The following MCRIP1 variants were observed in gnomAD, a reference collection of about 807,000 sequenced individuals.
MCRIP1 encodes MAPK regulated corepressor interacting protein 1.
MCRIP1 carries 10 observed loss-of-function variants against 14.4 expected under a neutral mutation model. That is an observed-to-expected ratio of 0.70 (90% CI 0.43 to 1.18). The LOEUF is 1.18. MCRIP1 is among the 50% of genes most tolerant of loss of function. MCRIP1 has a pLI of 0.00. For missense variants in MCRIP1, 119 were observed against 135.4 expected (o/e 0.88, Z 0.60); for synonymous variants, 53 against 55.7 (o/e 0.95, Z 0.21).
In MCRIP1 at chr17:81,824,770, G is replaced by C. The variant is rs542677477; in HGVS notation, c.-48-216C>G. ...CGAGGTAGCAGAGAGCTGGCCAGAC[G>C]AGCCAGACACACACACAACTTGAAG... is the stretch of plus-strand genomic sequence containing the variant. On this transcript the variant is annotated intron_variant, in intron 1 of 4. Transcript: ENST00000455127. 4 of 1,420,276 alleles carry C rather than the reference G, an allele frequency of 2.8e-6. No individual in the cohort carries two copies. The African/African-American group carries it at 4.3e-5, about 15-fold the overall frequency. 88.0% of individuals were successfully genotyped at this position (1,420,276 alleles called of 1,614,324 possible).
chr17:81,823,009 A>G lies in MCRIP1; in HGVS notation c.*238T>C. 1 of 589,226 alleles carries G rather than the reference A, an allele frequency of 1.7e-6. No individual in the cohort carries two copies. The highest frequency in any genetic ancestry group is 3.0e-6 in the Non-Finnish European group (1 of 331,850). 36.5% of individuals were successfully genotyped at this position (589,226 alleles called of 1,614,324 possible). On this transcript the variant is annotated 3_prime_UTR_variant, in exon 5 of 5. Coordinates refer to ENST00000455127, the MANE Select transcript of MCRIP1 (RefSeq NM_207368.5). The surrounding 1 kb of genome is among the most constrained non-coding windows in gnomAD (Gnocchi z 6.0). ...AAAAATGCAGCCAGGTGGCTGGGGG[A>G]GGGCAGGAGGGTGGGCAGGGCCCAG...
chr17:81,823,573 C>A lies in MCRIP1; in HGVS notation c.128-60G>T, dbSNP rs1015301619. ...CTGCCCCAGGGGGTGGCATCCACGT[C>A]ACGAGAGTGCCTGCCCTCAGCTCCT... On this transcript the variant is annotated intron_variant, in intron 3 of 4. Transcript: ENST00000455127. The surrounding 1 kb of genome is among the most constrained non-coding windows in gnomAD (Gnocchi z 6.0). 27 of 1,386,930 alleles carry A rather than the reference C, an allele frequency of 1.9e-5. No homozygotes were observed. In the African/African-American group the frequency reaches 3.4e-4, roughly 18 times the overall value. 85.9% of individuals were successfully genotyped at this position (1,386,930 alleles called of 1,614,324 possible). A position where few individuals can be genotyped will look rare whatever the true frequency, so the allele number is the denominator to read the frequency against.
At chr17:81,825,571 C>G (rs1344146981) in intron 1 of MCRIP1, 2 of 1,288,718 alleles carry the variant, frequency 1.6e-6, no homozygotes, top group East Asian at 1.1e-4. Context: ...ACTGAGGCTT[C>G]GAGTCCTCTC....
chr17:81,832,870 G>A (rs1478727834), intron 1 of MCRIP1, among the ~76,000 whole-genome samples: 5 of 152,244 alleles, frequency 3.3e-5, no homozygotes, highest in Admixed American at 6.5e-5. Flanking sequence ...GGTCCCTCCA[G>A]GAGACCGGGA....
rs566581370 is a variant in MCRIP1, at chr17:81,832,483, G to A, written c.-49+755C>T. Reference sequence around the variant, plus strand: ...GTCCCACTTCCCACCCTCTCTACACGTTCTCGCCACATCCCACCCAAAGTC... The same window carrying A: ...GTCCCACTTCCCACCCTCTCTACACATTCTCGCCACATCCCACCCAAAGTC... On this transcript the variant is annotated intron_variant, in intron 1 of 4. Transcript: ENST00000455127. 5.3e-5 allele frequency among the ~76,000 whole-genome samples: 8 copies of A among 152,254 alleles called. No homozygotes were observed. In the East Asian group the frequency reaches 9.6e-4, roughly 18 times the overall value.
intron 1 of MCRIP1, among the ~76,000 whole-genome samples, chr17:81,832,739 G>C (rs939438932): frequency 6.6e-6 from 1 of 152,256 alleles, no homozygotes; most frequent in Non-Finnish European, 1.5e-5. Flanking sequence ...CGTTCTCCCC[G>C]TTAGGCCCAG....
In MCRIP1 at chr17:81,824,496, C is replaced by T. The variant is rs2038346695; in HGVS notation, c.8+3G>A. The T allele has an allele frequency of 6.5e-7, 1 of 1,536,150 alleles. No individual in the cohort carries two copies. The highest frequency in any genetic ancestry group is 8.7e-7 in the Non-Finnish European group (1 of 1,146,828). The stretch of plus-strand genomic sequence containing the variant: ...GAGACCAGCCCACCTGCCTGAGACC[C>T]ACCTGGTCATCGCGGGGGCGTCTGA... On this transcript the variant is annotated splice_donor_region_variant and intron_variant, in intron 2 of 4. Transcript: ENST00000455127.
At chr17:81,826,701 C>G (rs2038406598) in intron 1 of MCRIP1, 1 of 330,850 alleles carries the variant, frequency 3.0e-6, no homozygotes, top group Admixed American at 4.6e-5. Context: ...CACCCGTAAT[C>G]CCAGCTACTC....
chr17:81,825,852 C>T, intron 1 of MCRIP1: 2 of 1,289,842 alleles, frequency 1.6e-6, no homozygotes, highest in Non-Finnish European at 2.0e-6. Flanking sequence ...CCCACGAACA[C>T]CAGAGCACGG....
At position 81,823,421 on chromosome 17, in the gene MCRIP1, T is replaced by C; in HGVS notation, c.220A>G (p.Ser74Gly). 1 of 1,536,738 alleles carries C rather than the reference T, an allele frequency of 6.5e-7. No homozygotes were observed. The highest frequency in any genetic ancestry group is 8.7e-7 in the Non-Finnish European group (1 of 1,146,730). The change falls in exon 4 of 5, where the codon AGC (serine) becomes GGC (glycine). Residue 74 changes from serine to glycine, a missense_variant. Transcript: ENST00000455127. The surrounding 1 kb of genome is among the most constrained non-coding windows in gnomAD (Gnocchi z 6.0). ...GTCAGCCCCCACTCACTCTTCAGGCTGGGGTTAGGGACCTTCTCCACATAC... is the reference window on the plus strand; with the variant it reads ...GTCAGCCCCCACTCACTCTTCAGGCCGGGGTTAGGGACCTTCTCCACATAC... ...EEYVEKVPNPSLKTFKPIDLS... is the reference protein window; with the variant it reads ...EEYVEKVPNPGLKTFKPIDLS...
At chr17:81,831,005 TA>T (rs199781153) in intron 1 of MCRIP1, among the ~76,000 whole-genome samples, 2 of 149,734 alleles carry the variant, frequency 1.3e-5, no homozygotes, top group Non-Finnish European at 1.5e-5. Context: ...CCATCTCTAC[TA>T]AAAAAAAATA....
Position 81,824,567 on chromosome 17 carries a change from C to T in MCRIP1, c.-48-13G>A, listed in dbSNP as rs1308016465. On this transcript the variant is annotated splice_polypyrimidine_tract_variant and intron_variant, in intron 1 of 4. Transcript: ENST00000455127. ...ATCCCCTCAGCCTCTGAAACAGAAG[C>T]CAGCGCAGGCATGGGACGCAGGGCC... 1 of 1,535,894 alleles carries T rather than the reference C, an allele frequency of 6.5e-7. No homozygotes were observed. The highest frequency in any genetic ancestry group is 2.0e-5 in the Admixed American group (1 of 50,996).
chr17:81,825,336 T>C, intron 1 of MCRIP1: 2 of 1,166,172 alleles, frequency 1.7e-6, no homozygotes, highest in Non-Finnish European at 2.1e-6. Context: ...CTGGACAGTG[T>C]CCCCACTCCA....
rs368745390 is a variant in MCRIP1 at position 81,832,935 on chromosome 17, G to T, written c.-49+303C>A. ...GACGGCGGCAGAAGGCTGGCCCGCT[G>T]CGAGCGTCCGGCGGCGCTGGGTCCC... On this transcript the variant is annotated intron_variant, in intron 1 of 4. Coordinates refer to ENST00000455127, the MANE Select transcript of MCRIP1 (RefSeq NM_207368.5). Among the ~76,000 whole-genome samples the T allele has an allele frequency of 3.9e-5, 6 of 152,262 alleles. No homozygotes were observed. In the East Asian group the frequency reaches 1.2e-3, roughly 29 times the overall value.
chr17:81,828,689 G>C (rs896133850), intron 1 of MCRIP1, among the ~76,000 whole-genome samples: 1 of 152,308 alleles, frequency 6.6e-6, no homozygotes, highest in East Asian at 1.9e-4. Context: ...CAGGACCTGA[G>C]GGGCCACAGA....
rs2038310180 is a variant in MCRIP1 at position 81,823,272 on chromosome 17, C to T, written c.269G>A (p.Ser90Asn). The change falls in exon 5 of 5, where the codon AGC becomes AAC. Residue 90 changes from serine to asparagine, a missense_variant. Coordinates refer to ENST00000455127, the MANE Select transcript of MCRIP1 (RefSeq NM_207368.5). The surrounding 1 kb of genome is among the most constrained non-coding windows in gnomAD (Gnocchi z 6.0). The part of the protein sequence containing the change: ...PIDLSDLKRR[S>N]TQDAKKS ...CTAGGACTTCTTGGCATCCTGCGTGCTCCGGCGCTTCAGGTCACTCAGGTC... is the reference window on the plus strand; with the variant it reads ...CTAGGACTTCTTGGCATCCTGCGTGTTCCGGCGCTTCAGGTCACTCAGGTC... 1.2e-5 allele frequency: 18 copies of T among 1,536,894 alleles called. 1 individual carries two copies. The highest frequency in any genetic ancestry group is 1.6e-5 in the Non-Finnish European group (18 of 1,146,796).
At chr17:81,825,328 G>A in intron 1 of MCRIP1, 1 of 1,159,608 alleles carries the variant, frequency 8.6e-7, no homozygotes, top group Non-Finnish European at 1.1e-6. Context: ...CTGGCAGGCT[G>A]GACAGTGTCC....
chr17:81,824,314 C>T lies in MCRIP1; in HGVS notation c.100G>A (p.Glu34Lys), dbSNP rs372784212. The change falls in exon 3 of 5, where the codon GAG (glutamate) becomes AAG (lysine). Residue 34 changes from glutamate to lysine, a missense_variant. Coordinates refer to ENST00000455127, the MANE Select transcript of MCRIP1 (RefSeq NM_207368.5). Reference sequence around the variant, plus strand: ...TCGTAAATGAAGCGGACGTTCTCCTCGTGGGCTGGGGTGAAGATCTCGCTG... The same window carrying T: ...TCGTAAATGAAGCGGACGTTCTCCTTGTGGGCTGGGGTGAAGATCTCGCTG... The part of the protein sequence containing the change: ...SSSEIFTPAH[E>K]ENVRFIYEAW... 99 of 1,535,594 alleles carry T rather than the reference C, an allele frequency of 6.4e-5. No individual in the cohort carries two copies. Among genetic ancestry groups the T allele is most frequent in the South Asian group, 2.0e-4 (17 of 84,042 alleles).
chr17:81,826,188 A>T (rs928869889), intron 1 of MCRIP1: 1 of 1,508,120 alleles, frequency 6.6e-7, no homozygotes, highest in Non-Finnish European at 8.8e-7. Flanking sequence ...ACATCCTCCC[A>T]AGCAACTACC....
Sources: allele counts gnomAD v4.1 joint callset (sites outside exome capture counted in the v4.1 genomes callset), GRCh38; gene constraint gnomAD v4.1.1; non-coding constraint Gnocchi (gnomAD v3.1); transcripts MANE v1.5; gene names NCBI Gene and HGNC (gene_info 2026-07-23, HGNC 2026-07-21).